MMP26: variants seen among roughly 807,000 people sequenced by gnomAD.
MMP26 encodes the protein matrix metallopeptidase 26.
Under a neutral mutation model 31.0 loss-of-function variants are expected in MMP26, and 33 were observed. That is an observed-to-expected ratio of 1.06 (90% CI 0.81 to 1.42). The LOEUF is 1.42. Ranked by LOEUF, MMP26 falls within the 40% of genes most tolerant of loss-of-function variation. MMP26 has a pLI of 0.00. For missense variants in MMP26, 347 were observed against 316.1 expected, an observed-to-expected ratio of 1.10 and a Z score of -0.74; for synonymous variants, 122 against 114.9, an observed-to-expected ratio of 1.06 and a Z score of -0.40.
At chr11:4,836,960 T>C (rs1849728092) in intron 2 of MMP26, among the ~76,000 whole-genome samples, 1 of 152,046 alleles carries the variant, frequency 6.6e-6, no homozygotes, top group Admixed American at 6.6e-5. Context: ...CAAAGACCTC[T>C]TTTTTAGAGC....
chr11:4,849,617 C>A (rs1231165778), intron 2 of MMP26, among the ~76,000 whole-genome samples: 1 of 152,132 alleles, frequency 6.6e-6, no homozygotes, highest in Admixed American at 6.5e-5. Context: ...TTCTAGACTG[C>A]CTTAAGATAC....
At chr11:4,926,588 C>A (rs547118222) in intron 2 of MMP26, among the ~76,000 whole-genome samples, 3 of 152,246 alleles carry the variant, frequency 2.0e-5, no homozygotes, top group African/African-American at 4.8e-5. Flanking sequence ...ATACCAGAAA[C>A]CTTTGGAGGT....
At position 4,986,940 on chromosome 11, in the gene MMP26, T is replaced by C. The variant is rs866190158; in HGVS notation, c.-144-1128T>C. 3.3e-3 allele frequency among the ~76,000 whole-genome samples: 389 copies of C among 117,928 alleles called. 10 individuals carry two copies. Among genetic ancestry groups the C allele is most frequent in the South Asian group, 0.011 (29 of 2,686 alleles). 77.4% of individuals were successfully genotyped at this position (117,928 alleles called of 152,430 possible). ...CTCTCTCTCTCTCTCTCCCTCTCTC[T>C]CTCTCTCTCTCTCTCTCTCCCTCTC... is the stretch of plus-strand genomic sequence containing the variant. On this transcript the variant is annotated intron_variant, in intron 2 of 7. Coordinates refer to ENST00000380390, the MANE Select transcript of MMP26 (RefSeq NM_021801.5).
chr11:4,897,518 A>G lies in MMP26; in HGVS notation c.-144-90550A>G, dbSNP rs572535685. ...TATCAAAACATTTATTTTTATGACT[A>G]TCTTTGTCTTACTTATTTTCTCCAT... On this transcript the variant is annotated intron_variant, in intron 2 of 7. Transcript: ENST00000380390. Among the ~76,000 whole-genome samples the G allele has an allele frequency of 1.6e-3, 246 of 152,322 alleles. 2 individuals carry two copies. The highest frequency in any genetic ancestry group is 6.8e-3 in the Middle Eastern group (2 of 294).
intron 2 of MMP26, chr11:4,923,372 A>T (rs1469826239): frequency 6.5e-7 from 1 of 1,544,506 alleles, no homozygotes; most frequent in Non-Finnish European, 8.7e-7. Context: ...CTTTACTCTA[A>T]CTTAATCCTT....
intron 4 of MMP26, 118 bp downstream of exon 4, chr11:4,989,986 A>G: frequency 1.3e-6 from 1 of 757,572 alleles, no homozygotes. Flanking sequence ...AGCCCGCTCA[A>G]AGCCCAAAAT....
chr11:4,861,049 T>C (rs1850147574), intron 2 of MMP26, among the ~76,000 whole-genome samples: 1 of 142,992 alleles, frequency 7.0e-6, no homozygotes. Context: ...AATCCATGTG[T>C]ATAAGGGTAT....
intron 2 of MMP26, 72 bp from the exon 3 acceptor site, chr11:4,987,996 G>A: frequency 1.7e-6 from 1 of 599,028 alleles, no homozygotes; most frequent in Non-Finnish European, 3.0e-6. Context: ...CATCAGGTGT[G>A]AACTGAGCTT....
intron 2 of MMP26, among the ~76,000 whole-genome samples, chr11:4,800,727 T>C (rs10768244): frequency 0.37 from 55,860 of 152,066 alleles, 11,348 homozygotes; most frequent in African/African-American, 0.51. Context: ...CCTTCCCTTT[T>C]AAATATAAGT....
chr11:4,982,645 T>C (rs1846830218), intron 2 of MMP26, among the ~76,000 whole-genome samples: 1 of 152,234 alleles, frequency 6.6e-6, no homozygotes, highest in Admixed American at 6.5e-5. Context: ...TAATTACTAT[T>C]TTGATAAGTA....
At chr11:4,782,218 T>A (rs1253404442) in intron 2 of MMP26, among the ~76,000 whole-genome samples, 3 of 152,000 alleles carry the variant, frequency 2.0e-5, no homozygotes, top group Non-Finnish European at 4.4e-5. Flanking sequence ...CTCCCTAGGG[T>A]CTTGTTGAAT....
chr11:4,977,308 C>T (rs1177810565), intron 2 of MMP26, among the ~76,000 whole-genome samples: 4 of 152,108 alleles, frequency 2.6e-5, no homozygotes, highest in African/African-American at 4.8e-5. Flanking sequence ...AAATTCCATT[C>T]AATTGTTAGA....
At chr11:4,784,342 A>T (rs772444072) in intron 2 of MMP26, among the ~76,000 whole-genome samples, 3 of 152,222 alleles carry the variant, frequency 2.0e-5, no homozygotes, top group Non-Finnish European at 4.4e-5. Context: ...GCCTTAAAAG[A>T]TACTCTAGTG....
intron 1 of MMP26, among the ~76,000 whole-genome samples, chr11:4,753,821 T>C (rs906480982): frequency 1.3e-5 from 2 of 152,102 alleles, no homozygotes; most frequent in Non-Finnish European, 2.9e-5. Flanking sequence ...TCAGTTCCTA[T>C]GAACCTGAAG....
chr11:4,748,391 C>A (rs1338860146), intron 1 of MMP26, among the ~76,000 whole-genome samples: 2 of 151,956 alleles, frequency 1.3e-5, no homozygotes, highest in East Asian at 1.9e-4. Context: ...ACCAATCCAA[C>A]TAAAACTGTT....
At position 4,968,438 on chromosome 11, in the gene MMP26, A is replaced by T. The variant is rs1242959968; in HGVS notation, c.-144-19630A>T. 2.6e-5 allele frequency among the ~76,000 whole-genome samples: 4 copies of T among 152,098 alleles called. No homozygotes were observed. In the East Asian group the frequency reaches 5.8e-4, roughly 22 times the overall value. ...TCAAGATCAATTCAAGAACAAGAAG[A>T]TTTCATTTAGGATTTGATTTTGGAA... On this transcript the variant is annotated intron_variant, in intron 2 of 7. Transcript: ENST00000380390.
At chr11:4,730,440 A>G (rs550566276) in intron 1 of MMP26, among the ~76,000 whole-genome samples, 3 of 100,874 alleles carry the variant, frequency 3.0e-5, no homozygotes, top group East Asian at 2.0e-4. Context: ...GCAAGCGAGC[A>G]TTGAGAGTGA....
At position 4,890,326 on chromosome 11, in the gene MMP26, C is replaced by T. The variant is rs924294118; in HGVS notation, c.-144-97742C>T. On this transcript the variant is annotated intron_variant, in intron 2 of 7. Coordinates refer to ENST00000380390, the MANE Select transcript of MMP26 (RefSeq NM_021801.5). ...CGAGCATTTGAGGAGATTCCTGTGGCATTGAATACAAAGATCCTCAGCATA... is the reference window on the plus strand; with the variant it reads ...CGAGCATTTGAGGAGATTCCTGTGGTATTGAATACAAAGATCCTCAGCATA... 6.3e-5 allele frequency: 10 copies of T among 158,004 alleles called. No individual in the cohort carries two copies. The Admixed American group carries it at 6.4e-4, about 10-fold the overall frequency. The allele number at this position is 158,004 out of a possible 1,614,324, so 9.8% of individuals were successfully genotyped here. A position where few individuals can be genotyped will look rare whatever the true frequency, so the allele number is the denominator to read the frequency against.
chr11:4,990,580 A>G lies in MMP26; in HGVS notation c.321-18A>G, dbSNP rs1203618164. The G allele has an allele frequency of 6.2e-7, 1 of 1,605,996 alleles. No individual in the cohort carries two copies. Among genetic ancestry groups the G allele is most frequent in the Non-Finnish European group, 8.5e-7 (1 of 1,174,636 alleles). On this transcript the variant is annotated intron_variant, in intron 4 of 7. Transcript: ENST00000380390. ...CCCATTCCTCTGAACTATTTCATTT[A>G]GAGATTGCTTTCCTCAGGATTATCA...
Sources: allele counts gnomAD v4.1 joint callset (sites outside exome capture counted in the v4.1 genomes callset), GRCh38; gene constraint gnomAD v4.1.1; transcripts MANE v1.5; gene names NCBI Gene and HGNC (gene_info 2026-07-23, HGNC 2026-07-21).